The following MDGA2 variants were observed in gnomAD, a reference collection of about 807,000 sequenced individuals.
MDGA2 encodes MAM domain-containing glycosylphosphatidylinositol anchor protein 2.
MDGA2 carries 40 observed loss-of-function variants against 117.8 expected under a neutral mutation model. That is an observed-to-expected ratio of 0.34 (90% CI 0.26 to 0.44). The LOEUF (loss-of-function observed/expected upper bound fraction) is 0.44, where lower values mean the gene tolerates loss of function less well. Ranked by LOEUF, MDGA2 falls within the 20% of genes least tolerant of loss-of-function variation. The pLI, the probability that MDGA2 is intolerant of heterozygous loss-of-function variation, is 1.00. For synonymous variants in MDGA2, 452 were observed against 439.0 expected (o/e 1.03, Z -0.37); for missense variants, 1,123 against 1,250.6 (o/e 0.90, Z 1.54).
intron 1 of MDGA2, among the ~76,000 whole-genome samples, chr14:47,412,502 G>A (rs1251803957): frequency 2.6e-5 from 4 of 152,130 alleles, no homozygotes; most frequent in Admixed American, 6.6e-5. Context: ...GGTGGGTCTC[G>A]AAATCCTGGC....
intron 1 of MDGA2, among the ~76,000 whole-genome samples, chr14:47,595,017 T>C (rs1896509576): frequency 6.6e-6 from 1 of 152,142 alleles, no homozygotes; most frequent in South Asian, 2.1e-4. Context: ...CCTTCCCCAC[T>C]TTCAAGGTAC....
intron 8 of MDGA2, among the ~76,000 whole-genome samples, chr14:46,987,211 C>T (rs145593703): frequency 7.9e-5 from 12 of 152,146 alleles, no homozygotes; most frequent in East Asian, 5.8e-4. Context: ...AATATGCCCA[C>T]GGTGACTCTT....
At chr14:47,293,285 T>A (rs950843759) in intron 2 of MDGA2, among the ~76,000 whole-genome samples, 1 of 152,236 alleles carries the variant, frequency 6.6e-6, no homozygotes, top group Non-Finnish European at 1.5e-5. Context: ...TAAGTCCTCA[T>A]GATGTTTAAA....
intron 3 of MDGA2, among the ~76,000 whole-genome samples, chr14:47,189,288 G>A (rs1239082199): frequency 6.6e-6 from 1 of 151,968 alleles, no homozygotes; most frequent in East Asian, 1.9e-4. Context: ...AATTTTATCG[G>A]TGCTGCTACT....
intron 3 of MDGA2, among the ~76,000 whole-genome samples, chr14:47,213,863 G>A (rs987040258): frequency 3.9e-5 from 6 of 152,076 alleles, no homozygotes; most frequent in African/African-American, 1.4e-4. Context: ...GCATGGTTGG[G>A]GCGACCTCAG....
chr14:47,293,433 T>C (rs1366875112), intron 2 of MDGA2, among the ~76,000 whole-genome samples: 1 of 152,132 alleles, frequency 6.6e-6, no homozygotes, highest in Admixed American at 6.5e-5. Flanking sequence ...CCACATTACC[T>C]CTACTCAAAG....
chr14:47,257,277 T>A (rs1279561857), intron 2 of MDGA2, among the ~76,000 whole-genome samples: 1 of 152,112 alleles, frequency 6.6e-6, no homozygotes. Flanking sequence ...CACAATGACA[T>A]TTTCCTCGGT....
At chr14:47,491,766 C>T (rs573227059) in intron 1 of MDGA2, among the ~76,000 whole-genome samples, 7 of 151,184 alleles carry the variant, frequency 4.6e-5, no homozygotes, top group Admixed American at 6.6e-5. Flanking sequence ...TGTTATTTTA[C>T]GTGTACGCCA....
chr14:46,864,059 TCCCCCCTCCCCCCA>T (rs896821718), intron 14 of MDGA2, among the ~76,000 whole-genome samples: 7 of 74,510 alleles, frequency 9.4e-5, no homozygotes, highest in African/African-American at 2.5e-4. Context: ...ATGCTATCCC[TCCCCCCTCCCCCCA>T]CCCCCCACCC....
At chr14:47,353,594 C>T (rs936549332) in intron 1 of MDGA2, among the ~76,000 whole-genome samples, 3 of 152,102 alleles carry the variant, frequency 2.0e-5, no homozygotes, top group South Asian at 2.1e-4. Flanking sequence ...TCCAATCTGC[C>T]TGGTGTACTT....
intron 1 of MDGA2, among the ~76,000 whole-genome samples, chr14:47,493,742 T>G (rs926431533): frequency 7.9e-5 from 12 of 152,314 alleles, no homozygotes; most frequent in Admixed American, 7.2e-4. Flanking sequence ...TTAAGTATAT[T>G]ATTTAAACAT....
At chr14:47,242,920 G>A (rs890085339) in intron 2 of MDGA2, among the ~76,000 whole-genome samples, 1 of 151,872 alleles carries the variant, frequency 6.6e-6, no homozygotes, top group African/African-American at 2.4e-5. Context: ...GTCTGGTGGG[G>A]ACGTGGAGAG....
At chr14:46,974,456 G>C (rs1250556113) in intron 8 of MDGA2, among the ~76,000 whole-genome samples, 2 of 151,952 alleles carry the variant, frequency 1.3e-5, no homozygotes, top group Non-Finnish European at 2.9e-5. Context: ...TGGAAGACTC[G>C]CACTTCTTGA....
intron 2 of MDGA2, among the ~76,000 whole-genome samples, chr14:47,278,030 T>C (rs886270314): frequency 1.1e-4 from 16 of 151,878 alleles, no homozygotes; most frequent in Admixed American, 5.3e-4. Flanking sequence ...CAAGTAGCTA[T>C]AGAGGGGAGT....
rs1198436065 is a variant in MDGA2, at chr14:47,242,511, T to C, written c.421-24316A>G. Among the ~76,000 whole-genome samples the C allele has an allele frequency of 2.0e-5, 3 of 151,726 alleles. 1 individual carries two copies. The highest frequency in any genetic ancestry group is 4.4e-5 in the Non-Finnish European group (3 of 67,770). ...GGGCAGCTGGAGTTCCGGGTGGGCGTGGGCTTGGTGGGCCCCGCACTTGGA... is the reference window on the plus strand; with the variant it reads ...GGGCAGCTGGAGTTCCGGGTGGGCGCGGGCTTGGTGGGCCCCGCACTTGGA... On this transcript the variant is annotated intron_variant, in intron 2 of 16. Coordinates refer to ENST00000399232, the MANE Select transcript of MDGA2 (RefSeq NM_001113498.3).
rs1292588940 is a variant in MDGA2 at position 47,436,419 on chromosome 14, ATT to A, written c.281-134871_281-134870del. 2.6e-5 allele frequency among the ~76,000 whole-genome samples: 4 copies of A among 152,008 alleles called. No individual in the cohort carries two copies. In the South Asian group the frequency reaches 8.3e-4, roughly 31 times the overall value. On this transcript the variant is annotated intron_variant, in intron 1 of 16. Transcript: ENST00000399232. ...AGTACAGATAAGCAGAACAAATGGC[ATT>A]TTCTTTTCAAGGTGTACAAAAAGGG...
At chr14:46,886,708 AAGAG>A (rs569519101) in intron 10 of MDGA2, among the ~76,000 whole-genome samples, 136 of 152,102 alleles carry the variant, frequency 8.9e-4, no homozygotes, top group Non-Finnish European at 1.8e-3. Context: ...ATTAGAGAAT[AAGAG>A]AGAGAAGGAA....
intron 10 of MDGA2, among the ~76,000 whole-genome samples, chr14:46,917,751 T>TA (rs1883958595): frequency 6.6e-6 from 1 of 152,082 alleles, no homozygotes; most frequent in African/African-American, 2.4e-5. Flanking sequence ...ATAAAAAATA[T>TA]AAAAAATTGA....
At chr14:46,993,126 A>C (rs1566564003) in intron 8 of MDGA2, among the ~76,000 whole-genome samples, 1 of 152,158 alleles carries the variant, frequency 6.6e-6, no homozygotes, top group African/African-American at 2.4e-5. Flanking sequence ...AAATGTTAAC[A>C]GATTATTAGA....
Sources: allele counts gnomAD v4.1 joint callset (sites outside exome capture counted in the v4.1 genomes callset), GRCh38; gene constraint gnomAD v4.1.1; transcripts MANE v1.5; gene names NCBI Gene and HGNC (gene_info 2026-07-23, HGNC 2026-07-21).